The following TFPI variants were observed in gnomAD, a reference collection of about 807,000 sequenced individuals.
TFPI encodes the protein anti-convertin.
TFPI carries 15 observed loss-of-function variants against 34.6 expected under a neutral mutation model. That is an observed-to-expected ratio of 0.43 (90% CI 0.29 to 0.67). The LOEUF (loss-of-function observed/expected upper bound fraction) is 0.67, where lower values mean the gene tolerates loss of function less well. Ranked by LOEUF, TFPI falls within the 30% of genes least tolerant of loss-of-function variation. The pLI, the probability that TFPI is intolerant of heterozygous loss-of-function variation, is 0.15. For missense variants in TFPI, 301 were observed against 364.0 expected (o/e 0.83, Z 1.41); for synonymous variants, 105 against 120.1 (o/e 0.87, Z 0.82).
intron 6 of TFPI, among the ~76,000 whole-genome samples, chr2:187,483,514 T>C (rs1275234424): frequency 6.6e-6 from 1 of 152,040 alleles, no homozygotes; most frequent in Admixed American, 6.6e-5. Flanking sequence ...TTCCTGATTA[T>C]GTTTTCCAGT....
chr2:187,476,516 C>G (rs747906537), intron 6 of TFPI, among the ~76,000 whole-genome samples: 4 of 151,930 alleles, frequency 2.6e-5, no homozygotes, highest in Non-Finnish European at 5.9e-5. Context: ...ATTATTTTAT[C>G]TTTTGTAGAG....
chr2:187,482,713 CATATT>C (rs1692964823), intron 6 of TFPI, among the ~76,000 whole-genome samples: 1 of 151,520 alleles, frequency 6.6e-6, no homozygotes, highest in Admixed American at 6.6e-5. Context: ...AAGAAAGAAA[CATATT>C]ATAGAAAGGC....
chr2:187,479,782 A>AG (rs1430465325), intron 6 of TFPI, among the ~76,000 whole-genome samples: 1 of 151,396 alleles, frequency 6.6e-6, no homozygotes, highest in Non-Finnish European at 1.5e-5. Context: ...CTAACCATGA[A>AG]GGATTGATGA....
rs1377185554 is a variant in TFPI, at chr2:187,521,711, G to A, written c.-2-17941C>T. 1.3e-5 allele frequency among the ~76,000 whole-genome samples: 2 copies of A among 151,986 alleles called. 1 individual carries two copies. Among genetic ancestry groups the A allele is most frequent in the African/African-American group, 4.8e-5 (2 of 41,284 alleles). ...AGCATCCCGAGTAGCTGGGATTACA[G>A]GCGCCTGCCACCATGCCTGGCTAAT... On this transcript the variant is annotated intron_variant, in intron 1 of 7. Coordinates refer to ENST00000233156, the MANE Select transcript of TFPI (RefSeq NM_006287.6).
intron 1 of TFPI, among the ~76,000 whole-genome samples, chr2:187,543,847 A>G (rs1688708114): frequency 6.6e-6 from 1 of 152,200 alleles, no homozygotes; most frequent in Non-Finnish European, 1.5e-5. Context: ...AAGAACCACA[A>G]GGTATCTCCT....
intron 6 of TFPI, among the ~76,000 whole-genome samples, chr2:187,478,103 G>C (rs1050316747): frequency 6.6e-6 from 1 of 152,092 alleles, no homozygotes; most frequent in Non-Finnish European, 1.5e-5. Context: ...GTTGATGTAT[G>C]GGGCCAGGCA....
chr2:187,468,636 A>C (rs916657849), intron 6 of TFPI, among the ~76,000 whole-genome samples: 5 of 152,092 alleles, frequency 3.3e-5, no homozygotes, highest in Admixed American at 2.0e-4. Context: ...TGTCAATGGG[A>C]TCAATCAATG....
intron 1 of TFPI, among the ~76,000 whole-genome samples, chr2:187,509,445 C>T (rs1193818058): frequency 7.2e-5 from 11 of 152,032 alleles, no homozygotes; most frequent in Non-Finnish European, 1.5e-5. Context: ...TTTTTGGTTG[C>T]TAGGCTATTA....
chr2:187,549,902 T>C lies in TFPI; in HGVS notation c.-3+4298A>G, dbSNP rs949567222. ...ATAAGTAAAAAAAAAAGACAAAATA[T>C]AAGAAATTATATTGGTCAGTGGAGA... On this transcript the variant is annotated intron_variant, in intron 1 of 7. Coordinates refer to ENST00000233156, the MANE Select transcript of TFPI (RefSeq NM_006287.6). 4.6e-5 allele frequency among the ~76,000 whole-genome samples: 7 copies of C among 152,052 alleles called. No homozygotes were observed. In the East Asian group the frequency reaches 5.8e-4, roughly 13 times the overall value.
intron 2 of TFPI, among the ~76,000 whole-genome samples, chr2:187,498,718 G>GA (rs1304594667): frequency 1.5e-4 from 23 of 151,572 alleles, no homozygotes; most frequent in South Asian, 6.2e-4. Context: ...TTTTTCAATT[G>GA]AAATAAATTG....
chr2:187,497,751 T>C (rs1349357476), intron 2 of TFPI, among the ~76,000 whole-genome samples: 1 of 151,966 alleles, frequency 6.6e-6, no homozygotes, highest in Non-Finnish European at 1.5e-5. Flanking sequence ...ATAACAGAAT[T>C]TTCTATCCTG....
At chr2:187,550,085 GCAGA>G (rs1689039963) in intron 1 of TFPI, among the ~76,000 whole-genome samples, 2 of 152,062 alleles carry the variant, frequency 1.3e-5, no homozygotes. Context: ...GGGAGACAAA[GCAGA>G]CAGTCTCAGG....
chr2:187,505,618 A>C (rs573799856), intron 1 of TFPI, among the ~76,000 whole-genome samples: 1 of 152,128 alleles, frequency 6.6e-6, no homozygotes, highest in Admixed American at 6.6e-5. Context: ...AAACCTTAAG[A>C]GTTTTTCAAT....
chr2:187,544,936 G>A (rs1688777743), intron 1 of TFPI, among the ~76,000 whole-genome samples: 1 of 152,074 alleles, frequency 6.6e-6, no homozygotes, highest in South Asian at 2.1e-4. Flanking sequence ...CCAACATGGC[G>A]AAACCCTGAC....
At chr2:187,494,895 G>A (rs146971525) in intron 3 of TFPI, among the ~76,000 whole-genome samples, 16 of 152,064 alleles carry the variant, frequency 1.1e-4, no homozygotes, top group African/African-American at 3.4e-4. Context: ...GCTAATTTTT[G>A]TATTTTTAGT....
intron 1 of TFPI, among the ~76,000 whole-genome samples, chr2:187,513,335 TA>T (rs1255682769): frequency 2.6e-5 from 4 of 152,200 alleles, no homozygotes; most frequent in Non-Finnish European, 5.9e-5. Flanking sequence ...AATCTTACCT[TA>T]TGGTCCAACA....
rs115370509 is a variant in TFPI at position 187,551,573 on chromosome 2, C to T, written c.-3+2627G>A. 5.9e-5 allele frequency among the ~76,000 whole-genome samples: 9 copies of T among 151,910 alleles called. No individual in the cohort carries two copies. The South Asian group carries it at 6.2e-4, about 11-fold the overall frequency. ...AAAGGTAATGGGAAGACTGGGCCCC[C>T]GGAATTGATACATAACACCAAGAAA... On this transcript the variant is annotated intron_variant, in intron 1 of 7. Transcript: ENST00000233156.
chr2:187,530,887 A>G (rs1687925346), intron 1 of TFPI, among the ~76,000 whole-genome samples: 2 of 152,230 alleles, frequency 1.3e-5, no homozygotes. Flanking sequence ...TAAAACAAAT[A>G]TATAAGCTAA....
intron 1 of TFPI, among the ~76,000 whole-genome samples, chr2:187,522,001 G>T (rs917531699): frequency 1.3e-5 from 2 of 152,042 alleles, no homozygotes; most frequent in African/African-American, 4.8e-5. Flanking sequence ...ATGCTGCTGA[G>T]CATCTTTATA....
Sources: allele counts gnomAD v4.1 joint callset (sites outside exome capture counted in the v4.1 genomes callset), GRCh38; gene constraint gnomAD v4.1.1; transcripts MANE v1.5; gene names NCBI Gene and HGNC (gene_info 2026-07-23, HGNC 2026-07-21).